Variants in SPIRE1 observed in about 807,000 individuals in gnomAD.
SPIRE1 encodes spire type actin nucleation factor 1, also known as protein spire homolog 1.
Under a neutral mutation model 94.1 loss-of-function variants are expected in SPIRE1, and 40 were observed. That is an observed-to-expected ratio of 0.43 (90% confidence interval 0.33 to 0.55). The LOEUF (loss-of-function observed/expected upper bound fraction) is 0.55, where lower values mean the gene tolerates loss of function less well. SPIRE1 is among the 20% of genes least tolerant of loss of function. SPIRE1 has a pLI of 0.06. For synonymous variants in SPIRE1, 376 were observed against 371.7 expected (o/e 1.01, Z -0.13); for missense variants, 838 against 975.2 (o/e 0.86, Z 1.87).
chr18:12,453,554 C>G (rs2031351668), intron 13 of SPIRE1, among the ~76,000 whole-genome samples: 2 of 151,970 alleles, frequency 1.3e-5, no homozygotes, highest in African/African-American at 2.4e-5. Flanking sequence ...CTGCCTCAGC[C>G]TCCTGAGTAG....
At chr18:12,615,345 A>AAAAAAAAAAAAAAAAATAT in intron 2 of SPIRE1, among the ~76,000 whole-genome samples, 3 of 17,244 alleles carry the variant, frequency 1.7e-4, no homozygotes, top group Admixed American at 5.9e-4. Context: ...AAAAAAAAAA[A>AAAAAAAAAAAAAAAAATAT]ATATATATAT....
intron 5 of SPIRE1, among the ~76,000 whole-genome samples, chr18:12,511,150 A>G (rs1480805855): frequency 6.6e-6 from 1 of 152,212 alleles, no homozygotes; most frequent in Non-Finnish European, 1.5e-5. Flanking sequence ...TGTTAGTTTC[A>G]CACTTAATTC....
At chr18:12,517,476 T>C (rs1209713879) in intron 4 of SPIRE1, among the ~76,000 whole-genome samples, 3 of 152,234 alleles carry the variant, frequency 2.0e-5, no homozygotes, top group African/African-American at 7.2e-5. Context: ...GAAAGTAAAT[T>C]ACAGATTTTT....
chr18:12,605,107 G>T (rs922529530), intron 2 of SPIRE1, among the ~76,000 whole-genome samples: 13 of 152,140 alleles, frequency 8.5e-5, no homozygotes, highest in African/African-American at 2.9e-4. Flanking sequence ...GTTATATAAT[G>T]GGTAGAGTTT....
rs536147427 is a variant in SPIRE1 at position 12,606,886 on chromosome 18, T to A, written c.372+28176A>T. ...CTTTTATTAGTATTATACACATAAT[T>A]AAACAGCTGACTTACTCTTATACCT... On this transcript the variant is annotated intron_variant, in intron 2 of 16. Coordinates refer to ENST00000409402, the MANE Select transcript of SPIRE1 (RefSeq NM_001128626.2). Among the ~76,000 whole-genome samples the A allele has an allele frequency of 3.9e-5, 6 of 152,326 alleles. No individual in the cohort carries two copies. The East Asian group carries it at 1.2e-3, about 29-fold the overall frequency.
At chr18:12,578,694 T>C (rs143108537) in intron 2 of SPIRE1, among the ~76,000 whole-genome samples, 88 of 152,328 alleles carry the variant, frequency 5.8e-4, no homozygotes, top group African/African-American at 2.1e-3. Flanking sequence ...CTCTACCCAC[T>C]ATCCGATGTG....
At chr18:12,658,684 T>A (rs750636682), upstream of SPIRE1, 5 of 442,906 alleles carry the variant, frequency 1.1e-5, no homozygotes, top group Non-Finnish European at 2.4e-5. Context: ...CCTGAAAGCC[T>A]CCGGCAGTTT....
intron 2 of SPIRE1, among the ~76,000 whole-genome samples, chr18:12,568,274 T>C (rs980764905): frequency 3.3e-5 from 5 of 152,246 alleles, no homozygotes; most frequent in African/African-American, 9.6e-5. Context: ...ATTTTTCTCA[T>C]CTTACTACAA....
At chr18:12,461,522 G>GTATATACATACA in intron 12 of SPIRE1, among the ~76,000 whole-genome samples, 1 of 117,566 alleles carries the variant, frequency 8.5e-6, no homozygotes, top group African/African-American at 2.9e-5. Context: ...ACATACATAT[G>GTATATACATACA]TGTGGTATGT....
At chr18:12,582,504 T>C (rs2036281939) in intron 2 of SPIRE1, among the ~76,000 whole-genome samples, 1 of 152,144 alleles carries the variant, frequency 6.6e-6, no homozygotes, top group South Asian at 2.1e-4. Context: ...GATTACTGTA[T>C]AATTATACAG....
intron 2 of SPIRE1, among the ~76,000 whole-genome samples, chr18:12,609,198 T>C (rs1005235939): frequency 2.6e-5 from 4 of 152,206 alleles, no homozygotes; most frequent in African/African-American, 4.8e-5. Context: ...GCGTCTGTAA[T>C]GGTCTGTGGC....
At chr18:12,651,915 A>G (rs1356772548) in intron 1 of SPIRE1, among the ~76,000 whole-genome samples, 1 of 152,182 alleles carries the variant, frequency 6.6e-6, no homozygotes, top group Non-Finnish European at 1.5e-5. Context: ...ACAGGCATTC[A>G]TTGTTCCTTT....
chr18:12,640,142 G>A (rs992033783), intron 1 of SPIRE1, among the ~76,000 whole-genome samples: 1 of 152,168 alleles, frequency 6.6e-6, no homozygotes, highest in Admixed American at 6.5e-5. Context: ...TATCTTTAAA[G>A]TAGAAACCTC....
intron 4 of SPIRE1, among the ~76,000 whole-genome samples, chr18:12,527,355 A>T (rs1051815934): frequency 1.3e-5 from 2 of 152,172 alleles, no homozygotes; most frequent in Non-Finnish European, 2.9e-5. Context: ...TACACGAGTG[A>T]GGCAGTGAAG....
At chr18:12,479,470 G>T (rs1225670187) in intron 10 of SPIRE1, among the ~76,000 whole-genome samples, 1 of 151,982 alleles carries the variant, frequency 6.6e-6, no homozygotes, top group Non-Finnish European at 1.5e-5. Context: ...TAACATGCCC[G>T]ACAAAAATTT....
intron 5 of SPIRE1, among the ~76,000 whole-genome samples, chr18:12,507,896 C>T (rs1226810709): frequency 6.6e-6 from 1 of 152,052 alleles, no homozygotes; most frequent in Non-Finnish European, 1.5e-5. Flanking sequence ...CCTGTAATCC[C>T]AGCACTCTGG....
intron 3 of SPIRE1, among the ~76,000 whole-genome samples, chr18:12,539,628 GCTA>G (rs1010259529): frequency 1.1e-4 from 17 of 151,050 alleles, no homozygotes; most frequent in Non-Finnish European, 2.1e-4. Context: ...GGGAATAACA[GCTA>G]CTATTAAGAA....
chr18:12,455,662 G>A (rs940161787), intron 12 of SPIRE1, among the ~76,000 whole-genome samples: 4 of 152,162 alleles, frequency 2.6e-5, no homozygotes, highest in Non-Finnish European at 5.9e-5. Context: ...GTGGATCTCA[G>A]AGAAAGACAG....
intron 2 of SPIRE1, among the ~76,000 whole-genome samples, chr18:12,566,930 A>G (rs12970708): frequency 1 from 151,901 of 152,306 alleles, 75,750 homozygotes; most frequent in Middle Eastern, 1. Context: ...GGACATAGAC[A>G]CAAAAATCTT....
Sources: gnomAD v4.1 joint callset for allele counts (sites outside exome capture counted in the v4.1 genomes callset) on GRCh38, gnomAD v4.1.1 for gene constraint, MANE v1.5 for transcripts, NCBI Gene and HGNC (gene_info 2026-07-23, HGNC 2026-07-21) for gene names.